The following HERC4 variants were observed in gnomAD, a reference collection of about 807,000 sequenced individuals.
HERC4 encodes probable E3 ubiquitin-protein ligase HERC4.
In HERC4, 28 loss-of-function variants were observed where a neutral mutation model predicts 124.3. That is an observed-to-expected ratio of 0.23 (90% CI 0.17 to 0.31). The LOEUF is 0.31. Ranked by LOEUF, HERC4 falls within the 10% of genes least tolerant of loss-of-function variation. The pLI is 1.00. For missense variants in HERC4, 713 were observed against 1,229.3 expected, an observed-to-expected ratio of 0.58 and a Z score of 6.28; for synonymous variants, 407 against 421.5, an observed-to-expected ratio of 0.97 and a Z score of 0.42.
At chr10:67,924,570 T>G (rs1038062622) in intron 24 of HERC4, among the ~76,000 whole-genome samples, 2 of 152,218 alleles carry the variant, frequency 1.3e-5, no homozygotes, top group South Asian at 4.1e-4. Context: ...CACTATCGTA[T>G]ATATGGTCTG....
intron 15 of HERC4, among the ~76,000 whole-genome samples, chr10:67,976,033 T>G (rs201811687): frequency 1.3e-5 from 2 of 152,156 alleles, no homozygotes; most frequent in African/African-American, 2.4e-5. Context: ...CCCACTGTTT[T>G]TTTTTTTTTT....
At chr10:67,967,939 T>TA (rs1276287616) in intron 15 of HERC4, among the ~76,000 whole-genome samples, 1 of 151,882 alleles carries the variant, frequency 6.6e-6, no homozygotes, top group African/African-American at 2.4e-5. Context: ...TATTCTAAAT[T>TA]AAAAGAGACT....
intron 7 of HERC4, among the ~76,000 whole-genome samples, chr10:68,026,981 A>G (rs1037029175): frequency 1.3e-5 from 2 of 152,244 alleles, no homozygotes; most frequent in African/African-American, 2.4e-5. Flanking sequence ...CCTGGGCAAC[A>G]AAGCGAGACT....
intron 20 of HERC4, 143 bp downstream of exon 20, chr10:67,940,796 C>T: frequency 2.7e-6 from 2 of 743,416 alleles, no homozygotes; most frequent in Middle Eastern, 2.4e-4. Context: ...ATGGATTTTC[C>T]TTTATTAGAA....
intron 9 of HERC4, among the ~76,000 whole-genome samples, chr10:68,001,112 C>T (rs186496595): frequency 1.3e-5 from 2 of 151,938 alleles, no homozygotes; most frequent in Non-Finnish European, 2.9e-5. Flanking sequence ...GGCTCATATG[C>T]GTAATCCCAG....
intron 7 of HERC4, among the ~76,000 whole-genome samples, chr10:68,026,390 A>G (rs1223366988): frequency 6.6e-6 from 1 of 151,698 alleles, no homozygotes; most frequent in African/African-American, 2.4e-5. Flanking sequence ...GCCACCATGC[A>G]TGGCCTTATA....
chr10:67,991,044 A>C (rs768339527), intron 12 of HERC4, 29 bp from the exon 13 acceptor site: 1 of 1,362,294 alleles, frequency 7.3e-7, no homozygotes, highest in Non-Finnish European at 9.8e-7. Context: ...AAAAAAAAAT[A>C]GAATAAAAAT....
At chr10:68,011,083 G>C (rs949652991) in intron 9 of HERC4, among the ~76,000 whole-genome samples, 1 of 152,190 alleles carries the variant, frequency 6.6e-6, no homozygotes, top group Non-Finnish European at 1.5e-5. Context: ...ATGAATCAAA[G>C]ACAGGGTCTT....
At chr10:67,934,981 T>C (rs1458280967) in intron 22 of HERC4, among the ~76,000 whole-genome samples, 1 of 151,118 alleles carries the variant, frequency 6.6e-6, no homozygotes, top group Non-Finnish European at 1.5e-5. Context: ...TTTTTTTCCA[T>C]TTTTAATTGT....
At chr10:68,039,727 A>C in intron 4 of HERC4, 1 of 1,311,502 alleles carries the variant, frequency 7.6e-7, no homozygotes, top group Non-Finnish European at 9.7e-7. Flanking sequence ...ATGCAAACAG[A>C]GTAAGGAATA....
At chr10:67,978,998 A>G (rs191196704) in intron 15 of HERC4, among the ~76,000 whole-genome samples, 8 of 152,292 alleles carry the variant, frequency 5.3e-5, no homozygotes, top group Admixed American at 2.0e-4. Context: ...AAGCCTTTCC[A>G]AGAAGCACGA....
At chr10:68,035,005 C>A (rs963390459) in intron 5 of HERC4, among the ~76,000 whole-genome samples, 9 of 152,108 alleles carry the variant, frequency 5.9e-5, no homozygotes, top group African/African-American at 2.2e-4. Flanking sequence ...CAACTTTAGA[C>A]ATCCTTTTAT....
chr10:68,070,608 A>G (rs1483874983), intron 3 of HERC4: 1 of 150,200 alleles, frequency 6.7e-6, no homozygotes, highest in African/African-American at 2.4e-5. Context: ...CTCTGTCTCA[A>G]AAAAAAAAAT....
intron 15 of HERC4, among the ~76,000 whole-genome samples, chr10:67,988,455 C>T (rs985478101): frequency 6.6e-6 from 1 of 152,054 alleles, no homozygotes; most frequent in African/African-American, 2.4e-5. Flanking sequence ...GTTATCTATA[C>T]ATGCCTAACA....
intron 1 of HERC4, 56 bp downstream of exon 1, chr10:68,075,088 C>G (rs1411307404): frequency 1.3e-5 from 2 of 153,178 alleles, no homozygotes; most frequent in Non-Finnish European, 2.9e-5. Context: ...CAGGGCACCT[C>G]CGGCGTCTGT....
intron 7 of HERC4, 37 bp from the exon 8 acceptor site, chr10:68,025,713 T>C: frequency 1.9e-6 from 3 of 1,563,396 alleles, no homozygotes; most frequent in Non-Finnish European, 2.6e-6. Context: ...TTAGAAGGCA[T>C]GATAAAAGAA....
At chr10:67,996,475 T>C (rs2036889518) in intron 9 of HERC4, among the ~76,000 whole-genome samples, 1 of 152,178 alleles carries the variant, frequency 6.6e-6, no homozygotes, top group Admixed American at 6.5e-5. Flanking sequence ...TTGTTTAACA[T>C]GGAAAATGAG....
At chr10:67,987,460 C>T (rs1212758640) in intron 15 of HERC4, among the ~76,000 whole-genome samples, 1 of 152,072 alleles carries the variant, frequency 6.6e-6, no homozygotes, top group African/African-American at 2.4e-5. Context: ...AGAAAAGAAA[C>T]AATCTAATTA....
intron 19 of HERC4, among the ~76,000 whole-genome samples, chr10:67,943,538 T>C (rs1484390284): frequency 2.0e-5 from 3 of 152,148 alleles, no homozygotes; most frequent in African/African-American, 7.2e-5. Context: ...CTGGTAAACA[T>C]AAAGACTCTA....
Sources: allele counts gnomAD v4.1 joint callset (sites outside exome capture counted in the v4.1 genomes callset), GRCh38; gene constraint gnomAD v4.1.1; transcripts MANE v1.5; gene names NCBI Gene and HGNC (gene_info 2026-07-23, HGNC 2026-07-21).